AP3B1: variants seen among roughly 807,000 people sequenced by gnomAD.
The protein encoded by AP3B1 is AP-3 complex subunit beta-1.
In AP3B1, 61 loss-of-function variants were observed where a neutral mutation model predicts 132.5. The ratio of observed to expected loss-of-function variants is 0.46; its 90% CI spans 0.37 to 0.57. The LOEUF is 0.57. Ranked by LOEUF, AP3B1 falls within the 20% of genes least tolerant of loss-of-function variation. The pLI is 0.00. For missense variants in AP3B1, 1,120 were observed against 1,289.4 expected (o/e 0.87, Z 2.01); for synonymous variants, 388 against 438.3 (o/e 0.89, Z 1.43).
At chr5:78,153,811 T>G (rs1381064680) in intron 14 of AP3B1, among the ~76,000 whole-genome samples, 1 of 152,194 alleles carries the variant, frequency 6.6e-6, no homozygotes, top group African/African-American at 2.4e-5. Flanking sequence ...CAACACTGAT[T>G]GCATACACAA....
At chr5:78,145,673 T>A (rs1753359820) in intron 14 of AP3B1, among the ~76,000 whole-genome samples, 1 of 152,206 alleles carries the variant, frequency 6.6e-6, no homozygotes, top group African/African-American at 2.4e-5. Flanking sequence ...TCTGTTTGTC[T>A]GCCACATTGT....
chr5:78,128,149 AATG>A lies in AP3B1; in HGVS notation c.1846_1848del (p.His616del). 1 of 1,605,256 alleles carries A rather than the reference AATG, an allele frequency of 6.2e-7. No individual in the cohort carries two copies. The highest frequency in any genetic ancestry group is 8.5e-7 in the Non-Finnish European group (1 of 1,172,324). On this transcript the variant is annotated inframe_deletion, in exon 17 of 27. Transcript: ENST00000255194. ...GTATGAGATAAGGTGCCAAGCTGGA[AATG>A]ATCTCTATCTATTAAAAATAGGGAA...
At chr5:78,030,898 T>C (rs1455990149) in intron 24 of AP3B1, among the ~76,000 whole-genome samples, 1 of 152,150 alleles carries the variant, frequency 6.6e-6, no homozygotes, top group Non-Finnish European at 1.5e-5. Flanking sequence ...AGGCTGGTCT[T>C]GAAACTCCTG....
chr5:78,226,141 T>G (rs1746391427), intron 5 of AP3B1, among the ~76,000 whole-genome samples: 1 of 152,016 alleles, frequency 6.6e-6, no homozygotes, highest in East Asian at 1.9e-4. Context: ...TAACAGACTA[T>G]AAGCTCAAGG....
At chr5:78,161,093 C>G (rs565237006) in intron 13 of AP3B1, among the ~76,000 whole-genome samples, 1 of 151,936 alleles carries the variant, frequency 6.6e-6, no homozygotes, top group African/African-American at 2.4e-5. Flanking sequence ...AATCCTTCTA[C>G]TTTTAGAGAG....
At chr5:78,041,274 C>CAA (rs200136009) in intron 22 of AP3B1, among the ~76,000 whole-genome samples, 13 of 116,298 alleles carry the variant, frequency 1.1e-4, no homozygotes, top group South Asian at 2.7e-4. Flanking sequence ...AACTCCGTCT[C>CAA]AAAAAAAAAA....
At position 78,097,095 on chromosome 5, in the gene AP3B1, G is replaced by A. The variant is rs1293144247; in HGVS notation, c.2470+3858C>T. Among the ~76,000 whole-genome samples the A allele has an allele frequency of 3.6e-4, 43 of 119,090 alleles. 3 individuals are homozygous for A. The highest frequency in any genetic ancestry group is 1.3e-3 in the African/African-American group (38 of 29,652). The allele number at this position is 119,090 out of a possible 152,430, so 78.1% of individuals were successfully genotyped here. Reference sequence around the variant, plus strand: ...AGCCCCCCGCCCGGCCAGCCGCCCCGTCCGGGAGGGAGGTAGGGGGTCAGC... The same window carrying A: ...AGCCCCCCGCCCGGCCAGCCGCCCCATCCGGGAGGGAGGTAGGGGGTCAGC... On this transcript the variant is annotated intron_variant, in intron 21 of 26. Transcript: ENST00000255194.
intron 6 of AP3B1, among the ~76,000 whole-genome samples, chr5:78,219,196 G>C (rs961903572): frequency 1.3e-4 from 19 of 151,916 alleles, no homozygotes; most frequent in African/African-American, 4.1e-4. Context: ...GACCTAATTT[G>C]TTTTCCTAAG....
chr5:78,189,007 T>C (rs1395694871), intron 7 of AP3B1, among the ~76,000 whole-genome samples: 1 of 152,130 alleles, frequency 6.6e-6, no homozygotes, highest in African/African-American at 2.4e-5. Flanking sequence ...TTCTCACTTA[T>C]AAGTGAGAAC....
chr5:78,033,242 T>C (rs1001629619), intron 24 of AP3B1, among the ~76,000 whole-genome samples: 2 of 152,054 alleles, frequency 1.3e-5, no homozygotes, highest in African/African-American at 2.4e-5. Context: ...TCTGTGTTGT[T>C]TGTCTAATAG....
At chr5:78,041,121 A>T (rs1358050233) in intron 22 of AP3B1, among the ~76,000 whole-genome samples, 1 of 152,064 alleles carries the variant, frequency 6.6e-6, no homozygotes, top group Non-Finnish European at 1.5e-5. Context: ...CTAAAAATAC[A>T]AAATTAACCG....
chr5:78,219,017 G>T (rs1246668935), intron 6 of AP3B1, among the ~76,000 whole-genome samples: 1 of 152,072 alleles, frequency 6.6e-6, no homozygotes, highest in East Asian at 1.9e-4. Flanking sequence ...ACATAACGGT[G>T]GGGCTTTTAT....
At chr5:78,231,616 A>G (rs543504387) in intron 3 of AP3B1, among the ~76,000 whole-genome samples, 115 of 152,314 alleles carry the variant, frequency 7.6e-4, no homozygotes, top group South Asian at 1.2e-3. Context: ...ATGGACCACA[A>G]AGGAAAGAAC....
intron 7 of AP3B1, among the ~76,000 whole-genome samples, chr5:78,209,961 C>T (rs966755334): frequency 2.6e-5 from 4 of 152,152 alleles, no homozygotes; most frequent in South Asian, 2.1e-4. Flanking sequence ...GGAATCTTTA[C>T]GATAAATGCT....
At chr5:78,166,624 A>T (rs191028609) in intron 11 of AP3B1, among the ~76,000 whole-genome samples, 2 of 152,208 alleles carry the variant, frequency 1.3e-5, no homozygotes, top group Non-Finnish European at 2.9e-5. Context: ...AATAGAAGAG[A>T]CAAACAGAAG....
chr5:78,165,246 A>T (rs1441797545), intron 12 of AP3B1, among the ~76,000 whole-genome samples: 1 of 152,188 alleles, frequency 6.6e-6, no homozygotes, highest in African/African-American at 2.4e-5. Flanking sequence ...TCATAGGTCA[A>T]TAAAATGGGA....
chr5:78,237,866 T>C (rs553174554), intron 3 of AP3B1, among the ~76,000 whole-genome samples: 1 of 152,364 alleles, frequency 6.6e-6, no homozygotes, highest in East Asian at 1.9e-4. Context: ...AATCCAGTGA[T>C]GCATTGCTTA....
At chr5:78,100,253 T>C (rs970771528) in intron 21 of AP3B1, among the ~76,000 whole-genome samples, 2 of 152,204 alleles carry the variant, frequency 1.3e-5, no homozygotes, top group South Asian at 2.1e-4. Flanking sequence ...ACTCTCAGCA[T>C]AGAAAAACTC....
chr5:78,253,010 T>C (rs1267770292), intron 2 of AP3B1, among the ~76,000 whole-genome samples: 1 of 152,240 alleles, frequency 6.6e-6, no homozygotes, highest in Non-Finnish European at 1.5e-5. Flanking sequence ...CTCAGCTTTA[T>C]CTGGCTCAAA....
Sources: allele counts gnomAD v4.1 joint callset (sites outside exome capture counted in the v4.1 genomes callset), GRCh38; gene constraint gnomAD v4.1.1; transcripts MANE v1.5; gene names NCBI Gene and HGNC (gene_info 2026-07-23, HGNC 2026-07-21).